KDELR2: variants seen among roughly 807,000 people sequenced by gnomAD.
The protein encoded by KDELR2 is KDEL endoplasmic reticulum protein retention receptor 2.
In KDELR2, 15 loss-of-function variants were observed where a neutral mutation model predicts 23.9. The observed-to-expected ratio is 0.63, with a 90% CI of 0.42 to 0.97. KDELR2 has a LOEUF of 0.97. Ranked by LOEUF, KDELR2 falls within the 50% of genes least tolerant of loss-of-function variation. The probability of loss-of-function intolerance (pLI) is 0.00; values close to 1 mark genes in which losing one functional copy is unlikely to be tolerated. For synonymous variants in KDELR2, 119 were observed against 106.2 expected (o/e 1.12, Z -0.74); for missense variants, 272 against 254.6 (o/e 1.07, Z -0.46).
chr7:6,465,370 G>C (rs1304021967), intron 4 of KDELR2, among the ~76,000 whole-genome samples: 1 of 151,460 alleles, frequency 6.6e-6, no homozygotes, highest in African/African-American at 2.4e-5. Flanking sequence ...ATTTTTAGTA[G>C]AGACGGGGTT....
intron 3 of KDELR2, among the ~76,000 whole-genome samples, chr7:6,469,194 T>C (rs746290679): frequency 1.5e-4 from 23 of 150,802 alleles, no homozygotes; most frequent in Non-Finnish European, 2.5e-4. Context: ...CCTCGTGATG[T>C]GCCCACCTTG....
intron 3 of KDELR2, among the ~76,000 whole-genome samples, chr7:6,468,830 G>A (rs1415351610): frequency 1.3e-5 from 2 of 152,068 alleles, no homozygotes; most frequent in African/African-American, 2.4e-5. Flanking sequence ...ATAGAGACAG[G>A]GTTTCACCAT....
chr7:6,463,229 T>C, intron 4 of KDELR2, 54 bp from the exon 5 acceptor site: 1 of 1,433,542 alleles, frequency 7.0e-7, no homozygotes, highest in South Asian at 1.2e-5. Context: ...ATTGACAAAC[T>C]TAGCTTCCTT....
In KDELR2 at chr7:6,462,639, C is replaced by G. The variant is rs1456353406; in HGVS notation, c.*502G>C. On this transcript the variant is annotated 3_prime_UTR_variant, in exon 5 of 5. Coordinates refer to ENST00000258739, the MANE Select transcript of KDELR2 (RefSeq NM_006854.4). ...TGGGAATAAATTTGAACAGATACAT[C>G]CAATTGAACATAGTGTCTCAGATTT... 1 of 211,066 alleles carries G rather than the reference C, an allele frequency of 4.7e-6. No homozygotes were observed. Among genetic ancestry groups the G allele is most frequent in the Non-Finnish European group, 9.4e-6 (1 of 106,196 alleles). 13.1% of individuals were successfully genotyped at this position (211,066 alleles called of 1,614,324 possible). A position where few individuals can be genotyped will look rare whatever the true frequency, so the allele number is the denominator to read the frequency against.
chr7:6,473,190 TG>T (rs1326826409), intron 2 of KDELR2, among the ~76,000 whole-genome samples: 1 of 150,498 alleles, frequency 6.6e-6, no homozygotes, highest in Non-Finnish European at 1.5e-5. Flanking sequence ...CCCAAAGTGC[TG>T]GGATTACAGG....
At position 6,463,159 on chromosome 7, in the gene KDELR2, CT is replaced by C; in HGVS notation, c.620del (p.Lys207SerfsTer65). 6.2e-7 allele frequency: 1 copy of C among 1,613,636 alleles called. No homozygotes were observed. The highest frequency in any genetic ancestry group is 8.5e-7 in the Non-Finnish European group (1 of 1,179,910). ...LYITKVLKGK[K>X]LSLPA Reference sequence around the variant, plus strand: ...TTGGCACTTATGCTGGCAAACTGAGCTTCTTTCCCTTGAGTACTAGAATTTC... The same window carrying C: ...TTGGCACTTATGCTGGCAAACTGAGCTCTTTCCCTTGAGTACTAGAATTTC... On this transcript the variant is annotated frameshift_variant, in exon 5 of 5. Coordinates refer to ENST00000258739, the MANE Select transcript of KDELR2 (RefSeq NM_006854.4). LOFTEE classifies it high-confidence loss of function.
chr7:6,463,126 G>C lies in KDELR2; in HGVS notation c.*15C>G. The C allele has an allele frequency of 1.9e-6, 3 of 1,614,170 alleles. No individual in the cohort carries two copies. Among genetic ancestry groups the C allele is most frequent in the Non-Finnish European group, 2.5e-6 (3 of 1,180,034 alleles). On this transcript the variant is annotated 3_prime_UTR_variant, in exon 5 of 5. Transcript: ENST00000258739. Reference sequence around the variant, plus strand: ...AGCACCCTGAAGGACAGATGCTGGTGATGGTCTTTGGCACTTATGCTGGCA... The same window carrying C: ...AGCACCCTGAAGGACAGATGCTGGTCATGGTCTTTGGCACTTATGCTGGCA...
intron 1 of KDELR2, among the ~76,000 whole-genome samples, chr7:6,479,820 G>C (rs1353657225): frequency 6.6e-6 from 1 of 152,212 alleles, no homozygotes; most frequent in African/African-American, 2.4e-5. Context: ...GCTCTGAATT[G>C]TGTGCCAGTG....
intron 2 of KDELR2, among the ~76,000 whole-genome samples, chr7:6,471,952 G>A (rs1308983382): frequency 6.6e-6 from 1 of 150,948 alleles, no homozygotes; most frequent in East Asian, 1.9e-4. Flanking sequence ...CCAGGCTGGA[G>A]TGCAGTGGAG....
chr7:6,470,585 A>T (rs1468259871), intron 2 of KDELR2, among the ~76,000 whole-genome samples: 1 of 152,250 alleles, frequency 6.6e-6, no homozygotes, highest in Non-Finnish European at 1.5e-5. Context: ...GTAGTATACA[A>T]TAATTATACA....
chr7:6,478,699 C>A (rs1424362912), intron 1 of KDELR2, among the ~76,000 whole-genome samples: 2 of 152,178 alleles, frequency 1.3e-5, no homozygotes, highest in East Asian at 3.8e-4. Flanking sequence ...TGCTTCCTCA[C>A]CAGCCTTCCT....
In KDELR2 at chr7:6,474,411, G is replaced by A. The variant is rs984408383; in HGVS notation, c.92-127C>T. 6.3e-6 allele frequency: 4 copies of A among 639,314 alleles called. No homozygotes were observed. The Admixed American group carries it at 1.1e-4, about 17-fold the overall frequency. 39.6% of individuals were successfully genotyped at this position (639,314 alleles called of 1,614,324 possible). On this transcript the variant is annotated intron_variant, in intron 1 of 4. Coordinates refer to ENST00000258739, the MANE Select transcript of KDELR2 (RefSeq NM_006854.4). The stretch of plus-strand genomic sequence containing the variant: ...GGGTCAAGGCCCAGGTCTAGGGATG[G>A]CTCTGAATGAACAAGAGCAGTTGTA...
intron 1 of KDELR2, among the ~76,000 whole-genome samples, chr7:6,478,500 T>G (rs1255467312): frequency 1.3e-5 from 2 of 152,174 alleles, no homozygotes; most frequent in Non-Finnish European, 2.9e-5. Context: ...GCTTCATTGG[T>G]CTTTCGTTAT....
chr7:6,477,075 T>C (rs978093595), intron 1 of KDELR2, among the ~76,000 whole-genome samples: 2 of 152,218 alleles, frequency 1.3e-5, no homozygotes, highest in Non-Finnish European at 2.9e-5. Flanking sequence ...GGAGAACACT[T>C]CTGAAGAATG....
At position 6,466,243 on chromosome 7, in the gene KDELR2, G is replaced by A. The variant is rs147548462; in HGVS notation, c.432C>T (p.Ala144=). The change falls in exon 4 of 5, where the codon GCC becomes GCT. Residue 144 remains alanine (A), a synonymous_variant. Coordinates refer to ENST00000258739, the MANE Select transcript of KDELR2 (RefSeq NM_006854.4). The part of the protein sequence containing the change: ...QLFMISKTGE[A]ETITTHYLFF... ...ACAGGTAGTGGGTGGTGATGGTCTC[G>A]GCCTCCCCAGTCTTGCTGATCATAA... 4.5e-5 allele frequency: 73 copies of A among 1,614,064 alleles called. No homozygotes were observed. In the Middle Eastern group the frequency reaches 6.6e-4, roughly 15 times the overall value.
chr7:6,484,097 C>G lies in KDELR2; in HGVS notation c.-40G>C. The G allele has an allele frequency of 7.2e-7, 1 of 1,391,376 alleles. No individual in the cohort carries two copies. The highest frequency in any genetic ancestry group is 1.5e-5 in the African/African-American group (1 of 66,502). The allele number at this position is 1,391,376 out of a possible 1,614,324, so 86.2% of individuals were successfully genotyped here. A position where few individuals can be genotyped will look rare whatever the true frequency, so the allele number is the denominator to read the frequency against. ...TGGCGGTCGGCGCAGCGCGGCGGCC[C>G]CGGGGCTGGGCGGCTCAGGAGGCGG... On this transcript the variant is annotated 5_prime_UTR_variant, in exon 1 of 5. Coordinates refer to ENST00000258739, the MANE Select transcript of KDELR2 (RefSeq NM_006854.4).
At chr7:6,468,242 A>G (rs1246966228) in intron 3 of KDELR2, among the ~76,000 whole-genome samples, 1 of 152,236 alleles carries the variant, frequency 6.6e-6, no homozygotes, top group Non-Finnish European at 1.5e-5. Flanking sequence ...TTGCCAAACC[A>G]GAAAATAAAA....
intron 2 of KDELR2, chr7:6,469,973 A>T: frequency 2.7e-6 from 1 of 375,834 alleles, no homozygotes. Context: ...TAGTTCCATC[A>T]TCCCCAAAAT....
chr7:6,476,086 T>A (rs1785745784), intron 1 of KDELR2, among the ~76,000 whole-genome samples: 2 of 152,178 alleles, frequency 1.3e-5, no homozygotes, highest in African/African-American at 4.8e-5. Context: ...GGCTAATATT[T>A]GTATTACATG....
Sources: gnomAD v4.1 joint callset for allele counts (sites outside exome capture counted in the v4.1 genomes callset) on GRCh38, gnomAD v4.1.1 for gene constraint, MANE v1.5 for transcripts, NCBI Gene and HGNC (gene_info 2026-07-23, HGNC 2026-07-21) for gene names.